The following UBE2E2 variants were observed in gnomAD, a reference collection of about 807,000 sequenced individuals.
UBE2E2 encodes the protein ubiquitin conjugating enzyme E2 E2.
Under a neutral mutation model 24.7 loss-of-function variants are expected in UBE2E2, and 6 were observed. That is an observed-to-expected ratio of 0.24 (90% CI 0.13 to 0.48). The LOEUF (loss-of-function observed/expected upper bound fraction) is 0.48. Ranked by LOEUF, UBE2E2 falls within the 20% of genes least tolerant of loss-of-function variation. The pLI, the probability that UBE2E2 is intolerant of heterozygous loss-of-function variation, is 0.99. For missense variants in UBE2E2, 169 were observed against 245.0 expected (o/e 0.69, Z 2.07); for synonymous variants, 104 against 83.6 (o/e 1.24, Z -1.33).
chr3:23,571,219 C>T (rs1696214005), intron 5 of UBE2E2, among the ~76,000 whole-genome samples: 2 of 149,016 alleles, frequency 1.3e-5, no homozygotes, highest in Admixed American at 1.4e-4. Flanking sequence ...CTGCCCCTCA[C>T]ACACAGCATT....
At chr3:23,302,026 A>G (rs979051620) in intron 3 of UBE2E2, among the ~76,000 whole-genome samples, 1 of 152,114 alleles carries the variant, frequency 6.6e-6, no homozygotes, top group East Asian at 1.9e-4. Context: ...ACACATGTCC[A>G]TTCATCCTCC....
chr3:23,226,922 G>A (rs1696842054), intron 3 of UBE2E2, among the ~76,000 whole-genome samples: 1 of 146,794 alleles, frequency 6.8e-6, no homozygotes, highest in Non-Finnish European at 1.5e-5. Context: ...AGTGTTGCAT[G>A]AATACAGGTT....
At chr3:23,246,038 A>AT (rs1159365709) in intron 3 of UBE2E2, among the ~76,000 whole-genome samples, 50 of 152,252 alleles carry the variant, frequency 3.3e-4, no homozygotes, top group African/African-American at 1.1e-3. Context: ...ATTTATATTT[A>AT]TTGGCATCCA....
intron 3 of UBE2E2, among the ~76,000 whole-genome samples, chr3:23,236,744 C>T (rs1395415622): frequency 1.3e-5 from 2 of 152,202 alleles, no homozygotes; most frequent in Non-Finnish European, 2.9e-5. Context: ...TCAAAGCCAG[C>T]GTTGGCCTAA....
intron 3 of UBE2E2, among the ~76,000 whole-genome samples, chr3:23,382,285 G>T (rs948709625): frequency 6.9e-6 from 1 of 145,604 alleles, no homozygotes; most frequent in South Asian, 2.1e-4. Flanking sequence ...GGGTTCAAGC[G>T]ATTCTCCTGC....
chr3:23,461,157 A>G (rs1005695465), intron 3 of UBE2E2, among the ~76,000 whole-genome samples: 1 of 151,986 alleles, frequency 6.6e-6, no homozygotes, highest in African/African-American at 2.4e-5. Context: ...TTGCTTTCTT[A>G]AAATGTGTGG....
At chr3:23,359,077 T>G (rs1036206065) in intron 3 of UBE2E2, among the ~76,000 whole-genome samples, 7 of 152,206 alleles carry the variant, frequency 4.6e-5, no homozygotes, top group African/African-American at 1.4e-4. Flanking sequence ...CATTGCCGTT[T>G]TTGACTATTC....
At chr3:23,335,917 G>C (rs1289893883) in intron 3 of UBE2E2, among the ~76,000 whole-genome samples, 1 of 152,106 alleles carries the variant, frequency 6.6e-6, no homozygotes, top group Non-Finnish European at 1.5e-5. Context: ...TTAGCTCTTT[G>C]CTCAAAAATA....
intron 3 of UBE2E2, among the ~76,000 whole-genome samples, chr3:23,362,603 C>T (rs546330261): frequency 1.3e-5 from 2 of 152,078 alleles, no homozygotes; most frequent in Non-Finnish European, 1.5e-5. Context: ...AGGAAGGACC[C>T]AGATGGCAGG....
chr3:23,511,581 G>A (rs1039625752), intron 4 of UBE2E2, among the ~76,000 whole-genome samples: 1 of 152,134 alleles, frequency 6.6e-6, no homozygotes, highest in African/African-American at 2.4e-5. Flanking sequence ...TAGAATAAAT[G>A]ATCTCACCTA....
intron 3 of UBE2E2, among the ~76,000 whole-genome samples, chr3:23,328,952 G>A (rs1168343039): frequency 2.0e-5 from 3 of 152,138 alleles, no homozygotes; most frequent in African/African-American, 7.2e-5. Context: ...ATGAGCCATC[G>A]TGCCCGGCCT....
In UBE2E2 at chr3:23,243,581, A is replaced by C. The variant is rs182178750; in HGVS notation, c.227+26269A>C. ...GCTTTAAGAAAATCATTTATTGTTAAGAATAGTACAGTTTTGTGGCTCAGC... is the reference window on the plus strand; with the variant it reads ...GCTTTAAGAAAATCATTTATTGTTACGAATAGTACAGTTTTGTGGCTCAGC... On this transcript the variant is annotated intron_variant, in intron 3 of 5. Transcript: ENST00000396703. Among the ~76,000 whole-genome samples the C allele has an allele frequency of 1.1e-4, 17 of 152,300 alleles. No individual in the cohort carries two copies. The East Asian group carries it at 3.1e-3, about 28-fold the overall frequency.
intron 3 of UBE2E2, among the ~76,000 whole-genome samples, chr3:23,281,764 A>G (rs1698494986): frequency 6.6e-6 from 1 of 152,264 alleles, no homozygotes; most frequent in Non-Finnish European, 1.5e-5. Context: ...ATTTCTGAGA[A>G]TTTCATTCGC....
chr3:23,272,102 G>A (rs528604421), intron 3 of UBE2E2, among the ~76,000 whole-genome samples: 7 of 152,226 alleles, frequency 4.6e-5, no homozygotes, highest in South Asian at 2.1e-4. Flanking sequence ...GGGGAGGCTC[G>A]GTCCATGCTG....
chr3:23,560,519 A>G (rs1695901297), intron 5 of UBE2E2, among the ~76,000 whole-genome samples: 1 of 152,140 alleles, frequency 6.6e-6, no homozygotes, highest in African/African-American at 2.4e-5. Context: ...TAGTGCCACA[A>G]TAAACATACG....
chr3:23,444,239 A>ATC (rs748962277), intron 3 of UBE2E2, among the ~76,000 whole-genome samples: 8 of 151,976 alleles, frequency 5.3e-5, no homozygotes, highest in Non-Finnish European at 1.0e-4. Context: ...ACCCCAGTGA[A>ATC]TCTCTCAAGT....
chr3:23,275,438 G>T (rs371522426), intron 3 of UBE2E2, among the ~76,000 whole-genome samples: 18 of 152,264 alleles, frequency 1.2e-4, no homozygotes, highest in African/African-American at 3.1e-4. Context: ...TCAAGATAAG[G>T]CTGGGCCTAG....
chr3:23,265,906 T>G (rs1428335627), intron 3 of UBE2E2, among the ~76,000 whole-genome samples: 3 of 152,228 alleles, frequency 2.0e-5, no homozygotes, highest in African/African-American at 7.2e-5. Context: ...TGTAATGGCC[T>G]TCTTTGTCTC....
In UBE2E2 at chr3:23,402,150, G is replaced by A. The variant is rs182922874; in HGVS notation, c.228-97458G>A. Among the ~76,000 whole-genome samples the A allele has an allele frequency of 4.7e-3, 712 of 152,068 alleles. 4 individuals carry two copies. Among genetic ancestry groups the A allele is most frequent in the Non-Finnish European group, 5.2e-3 (356 of 67,970 alleles). On this transcript the variant is annotated intron_variant, in intron 3 of 5. Coordinates refer to ENST00000396703, the MANE Select transcript of UBE2E2 (RefSeq NM_152653.4). The stretch of plus-strand genomic sequence containing the variant: ...ATTACAGGCGTGAGCCACCGCGCCC[G>A]ACCCCAATCTTATATTTGGTTTTAT...
Sources: allele counts gnomAD v4.1 joint callset (sites outside exome capture counted in the v4.1 genomes callset), GRCh38; gene constraint gnomAD v4.1.1; transcripts MANE v1.5; gene names NCBI Gene and HGNC (gene_info 2026-07-23, HGNC 2026-07-21).